The following DENND1A variants were observed in gnomAD, a reference collection of about 807,000 sequenced individuals.
The protein encoded by DENND1A is DENN domain-containing protein 1A.
DENND1A carries 51 observed loss-of-function variants against 113.7 expected under a neutral mutation model. The observed-to-expected ratio is 0.45, with a 90% CI of 0.36 to 0.57. DENND1A has a LOEUF of 0.57. Among genes scored for constraint, DENND1A ranks in the 20% least tolerant of loss-of-function variants. The pLI, the probability that DENND1A is intolerant of heterozygous loss-of-function variation, is 0.00. For synonymous variants in DENND1A, 565 were observed against 570.8 expected (o/e 0.99, Z 0.14); for missense variants, 1,258 against 1,395.9 (o/e 0.90, Z 1.57).
chr9:123,821,922 A>G (rs1838545562), intron 2 of DENND1A, among the ~76,000 whole-genome samples: 1 of 152,258 alleles, frequency 6.6e-6, no homozygotes, highest in African/African-American at 2.4e-5. Flanking sequence ...TGCTGAGAAA[A>G]TCAACAGCAT....
intron 3 of DENND1A, among the ~76,000 whole-genome samples, chr9:123,781,144 T>G (rs921754249): frequency 2.6e-5 from 4 of 152,166 alleles, no homozygotes; most frequent in African/African-American, 4.8e-5. Flanking sequence ...CAACCTCACT[T>G]CCAACTTGCA....
intron 10 of DENND1A, among the ~76,000 whole-genome samples, chr9:123,613,155 G>A (rs2060492585): frequency 6.6e-6 from 1 of 152,180 alleles, no homozygotes; most frequent in Non-Finnish European, 1.5e-5. Flanking sequence ...CTGAGTTCAG[G>A]AGGGTTGCTC....
intron 5 of DENND1A, among the ~76,000 whole-genome samples, chr9:123,727,766 G>C (rs189417648): frequency 6.6e-6 from 1 of 152,058 alleles, no homozygotes; most frequent in Non-Finnish European, 1.5e-5. Flanking sequence ...TACAGGTGTA[G>C]GAACTGTATG....
At chr9:123,649,752 G>GT (rs1345618043) in intron 9 of DENND1A, among the ~76,000 whole-genome samples, 1 of 152,130 alleles carries the variant, frequency 6.6e-6, no homozygotes, top group Admixed American at 6.5e-5. Context: ...TGCTGCATCT[G>GT]TTTTTTGTGT....
intron 9 of DENND1A, among the ~76,000 whole-genome samples, chr9:123,641,508 C>T (rs1330190674): frequency 6.6e-6 from 1 of 151,152 alleles, no homozygotes; most frequent in African/African-American, 2.4e-5. Flanking sequence ...GTGGACTGCA[C>T]TGGTATTCCG....
chr9:123,525,829 A>G (rs1235792671), intron 13 of DENND1A, among the ~76,000 whole-genome samples: 1 of 140,118 alleles, frequency 7.1e-6, no homozygotes, highest in African/African-American at 2.7e-5. Context: ...TGTGATTATG[A>G]TTCACTGCAG....
At chr9:123,461,907 G>A (rs1442286000) in intron 13 of DENND1A, 2 of 143,906 alleles carry the variant, frequency 1.4e-5, no homozygotes, top group African/African-American at 5.1e-5. Context: ...ACATGGTGTA[G>A]TGTTACCAGG....
intron 13 of DENND1A, among the ~76,000 whole-genome samples, chr9:123,461,468 C>T (rs2048519285): frequency 6.6e-6 from 1 of 152,218 alleles, no homozygotes. Context: ...GTAAAGAGGT[C>T]TCAGAGCTCG....
chr9:123,676,065 T>A (rs949492494), intron 6 of DENND1A, among the ~76,000 whole-genome samples: 1 of 152,210 alleles, frequency 6.6e-6, no homozygotes, highest in Admixed American at 6.5e-5. Context: ...ACATTTTTAA[T>A]AGTGTGGGAG....
At position 123,508,264 on chromosome 9, in the gene DENND1A, C is replaced by T. The variant is rs371307273; in HGVS notation, c.993+49306G>A. On this transcript the variant is annotated intron_variant, in intron 13 of 23. Transcript: ENST00000394215. ...GTGATGACAACGGGATCATATTGTC[C>T]GGACCTGATAGGACAGAGTCAAATT... Among the ~76,000 whole-genome samples, 77 of 152,286 alleles carry T rather than the reference C, an allele frequency of 5.1e-4. 2 individuals carry two copies. Among genetic ancestry groups the T allele is most frequent in the African/African-American group, 1.3e-3 (55 of 41,560 alleles).
At chr9:123,745,633 G>T (rs2069429944) in intron 5 of DENND1A, among the ~76,000 whole-genome samples, 1 of 152,164 alleles carries the variant, frequency 6.6e-6, no homozygotes, top group African/African-American at 2.4e-5. Context: ...CAACTCCTTA[G>T]GTACATACAG....
At chr9:123,728,494 A>AC (rs2067897517) in intron 5 of DENND1A, among the ~76,000 whole-genome samples, 1 of 145,346 alleles carries the variant, frequency 6.9e-6, no homozygotes, top group African/African-American at 2.6e-5. Context: ...AAAAAAAAAA[A>AC]AAAAAAAAAA....
chr9:123,605,588 A>T (rs1010802329), intron 11 of DENND1A, among the ~76,000 whole-genome samples: 1 of 152,218 alleles, frequency 6.6e-6, no homozygotes, highest in Non-Finnish European at 1.5e-5. Context: ...AATGAGAGAG[A>T]AACTATAAAC....
intron 4 of DENND1A, among the ~76,000 whole-genome samples, chr9:123,760,063 A>T (rs2070907938): frequency 6.6e-6 from 1 of 152,256 alleles, no homozygotes; most frequent in Non-Finnish European, 1.5e-5. Flanking sequence ...TATTAACGTA[A>T]TATGCTAGAA....
chr9:123,795,869 A>G (rs951896130), intron 2 of DENND1A, among the ~76,000 whole-genome samples: 2 of 152,226 alleles, frequency 1.3e-5, no homozygotes, highest in Non-Finnish European at 2.9e-5. Context: ...AGAAAGTAAC[A>G]TAATTTGCTT....
At chr9:123,588,053 A>G (rs7873243) in intron 11 of DENND1A, among the ~76,000 whole-genome samples, 23,570 of 151,806 alleles carry the variant, frequency 0.16, 2,052 homozygotes, top group African/African-American at 0.24. Context: ...CGAAGTGAGC[A>G]GATCACCAGA....
chr9:123,568,293 T>C (rs1052643069), intron 12 of DENND1A, among the ~76,000 whole-genome samples: 10 of 152,200 alleles, frequency 6.6e-5, no homozygotes, highest in Non-Finnish European at 1.5e-5. Flanking sequence ...ACTTGGCCCC[T>C]TTTCTTCATC....
intron 13 of DENND1A, among the ~76,000 whole-genome samples, chr9:123,482,468 G>A (rs2133746220): frequency 6.6e-6 from 1 of 152,246 alleles, no homozygotes; most frequent in South Asian, 2.1e-4. Flanking sequence ...CATTCCCTTG[G>A]CCTGGCAAAC....
At chr9:123,513,559 G>A (rs1347942072) in intron 13 of DENND1A, among the ~76,000 whole-genome samples, 2 of 152,204 alleles carry the variant, frequency 1.3e-5, no homozygotes, top group Admixed American at 1.3e-4. Flanking sequence ...ACGCCAGAGC[G>A]GGAAGAGCCG....
Sources: allele counts gnomAD v4.1 joint callset (sites outside exome capture counted in the v4.1 genomes callset), GRCh38; gene constraint gnomAD v4.1.1; transcripts MANE v1.5; gene names NCBI Gene and HGNC (gene_info 2026-07-23, HGNC 2026-07-21).